PCDH10: variants seen among roughly 807,000 people sequenced by gnomAD.
PCDH10 encodes protocadherin-10.
In PCDH10, 15 loss-of-function variants were observed where a neutral mutation model predicts 74.4. The ratio of observed to expected loss-of-function variants is 0.20; its 90% CI spans 0.13 to 0.31. PCDH10 has a LOEUF of 0.31. PCDH10 is among the 10% of genes least tolerant of loss of function. PCDH10 has a pLI of 1.00. For missense variants in PCDH10, 1,260 were observed against 1,390.2 expected (o/e 0.91, Z 1.49); for synonymous variants, 619 against 589.8 (o/e 1.05, Z -0.72).
chr4:133,202,804 T>G (rs577868467), intron 2 of PCDH10, among the ~76,000 whole-genome samples: 23 of 152,312 alleles, frequency 1.5e-4, no homozygotes, highest in Non-Finnish European at 2.8e-4. Context: ...AGCTCCATCA[T>G]GTATAATGGT....
intron 1 of PCDH10, 66 bp from the exon 2 acceptor site, chr4:133,154,241 C>T: frequency 1.0e-6 from 1 of 997,052 alleles, no homozygotes. Flanking sequence ...TTCCTAACCT[C>T]AAAAGTAGAC....
chr4:133,201,689 T>A (rs1727912222), intron 2 of PCDH10, among the ~76,000 whole-genome samples: 1 of 151,842 alleles, frequency 6.6e-6, no homozygotes, highest in South Asian at 2.1e-4. Flanking sequence ...AAACCCCGTC[T>A]CTACTAAAAA....
At chr4:133,156,614 T>G (rs560087980) in intron 3 of PCDH10, among the ~76,000 whole-genome samples, 1 of 152,268 alleles carries the variant, frequency 6.6e-6, no homozygotes, top group Non-Finnish European at 1.5e-5. Context: ...AATTTAACTG[T>G]CAACCTTTTA....
intron 3 of PCDH10, among the ~76,000 whole-genome samples, chr4:133,157,158 A>G (rs892589503): frequency 1.3e-5 from 2 of 152,188 alleles, no homozygotes; most frequent in East Asian, 3.8e-4. Flanking sequence ...TGGGCACAAT[A>G]ATAGCTATTT....
chr4:133,172,757 G>A (rs1727226440), intron 4 of PCDH10, among the ~76,000 whole-genome samples: 2 of 151,844 alleles, frequency 1.3e-5, no homozygotes, highest in African/African-American at 4.8e-5. Context: ...GATAATATAG[G>A]GAAAACCATC....
At chr4:133,175,070 C>G (rs1271362630) in intron 4 of PCDH10, among the ~76,000 whole-genome samples, 1 of 151,012 alleles carries the variant, frequency 6.6e-6, no homozygotes, top group Non-Finnish European at 1.5e-5. Context: ...GCTTATATAT[C>G]CAATATAGAG....
At position 133,191,202 on chromosome 4, in the gene PCDH10, G is replaced by A. The variant is rs531765815; in HGVS notation, c.*1042G>A. The A allele has an allele frequency of 6.6e-6, 1 of 152,380 alleles. No individual in the cohort carries two copies. The highest frequency in any genetic ancestry group is 2.1e-4 in the South Asian group (1 of 4,826). 9.4% of individuals were successfully genotyped at this position (152,380 alleles called of 1,614,324 possible). A position where few individuals can be genotyped will look rare whatever the true frequency, so the allele number is the denominator to read the frequency against. On this transcript the variant is annotated 3_prime_UTR_variant, in exon 5 of 5. Coordinates refer to ENST00000264360, the MANE Select transcript of PCDH10 (RefSeq NM_032961.3). ...ACTGGGTGTCTGTACATTTTGTGGT[G>A]TAAAATATGTAATTGAAGATTACTA...
intron 4 of PCDH10, among the ~76,000 whole-genome samples, chr4:133,181,745 T>G (rs1727423156): frequency 6.6e-6 from 1 of 152,094 alleles, no homozygotes; most frequent in South Asian, 2.1e-4. Flanking sequence ...AAACTTCTGT[T>G]TGCCTTGACA....
chr4:133,161,388 A>G (rs1198145894), intron 3 of PCDH10, among the ~76,000 whole-genome samples: 2 of 152,094 alleles, frequency 1.3e-5, no homozygotes, highest in Admixed American at 1.3e-4. Context: ...AGAGTTAAGT[A>G]TTAGATAATC....
Position 133,149,306 on chromosome 4 carries a change from C to T in PCDH10, c.-835C>T. The T allele has an allele frequency of 6.6e-6, 1 of 152,548 alleles. No homozygotes were observed. The highest frequency in any genetic ancestry group is 1.5e-5 in the Non-Finnish European group (1 of 68,112). The allele number at this position is 152,548 out of a possible 1,614,324, so 9.4% of individuals were successfully genotyped here. Reference sequence around the variant, plus strand: ...GCGCTCGGAGCTCAGAAACTGCCAGCCCAGACCACAGGCTCAGAGGCTGAA... The same window carrying T: ...GCGCTCGGAGCTCAGAAACTGCCAGTCCAGACCACAGGCTCAGAGGCTGAA... On this transcript the variant is annotated 5_prime_UTR_variant, in exon 1 of 5. Coordinates refer to ENST00000264360, the MANE Select transcript of PCDH10 (RefSeq NM_032961.3).
Position 133,199,890 on chromosome 4 carries a change from C to G in PCDH10, n.438-8186C>G, listed in dbSNP as rs533924462. 3.3e-5 allele frequency among the ~76,000 whole-genome samples: 5 copies of G among 150,836 alleles called. No homozygotes were observed. The East Asian group carries it at 7.8e-4, about 24-fold the overall frequency. ...TCGGCTCACTGCAAGTTCCGCCTCCCGAGTTCACGCCATTCTGCTGCCTCA... is the reference window on the plus strand; with the variant it reads ...TCGGCTCACTGCAAGTTCCGCCTCCGGAGTTCACGCCATTCTGCTGCCTCA... On this transcript the variant is annotated intron_variant and non_coding_transcript_variant, in intron 2 of 2. Transcript: ENST00000511112.
rs1011911229 is a variant in PCDH10 at position 133,152,378 on chromosome 4, C to T, written c.2238C>T (p.Leu746=). The change falls in exon 1 of 5, where the codon CTC becomes CTT. Residue 746 remains leucine, a synonymous_variant. Transcript: ENST00000264360. ...TGCGTTGCCAAAAAGAGAAGAAGCT[C>T]AACATCTATACTTGTCTGGCCAGCG... ...LAVRCQKEKK[L]NIYTCLASDC... 6.2e-7 allele frequency: 1 copy of T among 1,614,220 alleles called. No individual in the cohort carries two copies. The highest frequency in any genetic ancestry group is 8.5e-7 in the Non-Finnish European group (1 of 1,180,042).
chr4:133,185,358 C>T (rs1727524241), intron 4 of PCDH10, among the ~76,000 whole-genome samples: 1 of 151,496 alleles, frequency 6.6e-6, no homozygotes, highest in Admixed American at 6.6e-5. Context: ...TAATAGTTAA[C>T]ACTACTGTGC....
At chr4:133,158,191 C>T (rs917941834) in intron 3 of PCDH10, among the ~76,000 whole-genome samples, 19 of 152,084 alleles carry the variant, frequency 1.2e-4, no homozygotes, top group African/African-American at 4.3e-4. Flanking sequence ...TTTATTATAT[C>T]ATTAAAGCAT....
chr4:133,197,469 C>G (rs532823331), downstream of PCDH10, among the ~76,000 whole-genome samples: 124 of 152,082 alleles, frequency 8.2e-4, 1 homozygote, highest in African/African-American at 3.0e-3. Flanking sequence ...TCTTTTGAAT[C>G]AATTAAAAGT....
intron 4 of PCDH10, among the ~76,000 whole-genome samples, chr4:133,175,176 T>G (rs1321088714): frequency 2.6e-5 from 4 of 152,110 alleles, no homozygotes. Flanking sequence ...TGTTCTTTTT[T>G]CTAATCTTTT....
chr4:133,168,834 G>A (rs960522818), intron 4 of PCDH10, among the ~76,000 whole-genome samples: 45 of 151,704 alleles, frequency 3.0e-4, no homozygotes, highest in African/African-American at 1.1e-3. Flanking sequence ...ACACTCAGTT[G>A]TTGATACCTC....
At chr4:133,165,371 A>G (rs902571118) in intron 4 of PCDH10, among the ~76,000 whole-genome samples, 1 of 151,410 alleles carries the variant, frequency 6.6e-6, no homozygotes, top group East Asian at 1.9e-4. Context: ...TTAAAATTAC[A>G]CCATGACTCT....
chr4:133,205,232 AG>A (rs1052253299), intron 2 of PCDH10, among the ~76,000 whole-genome samples: 1 of 152,172 alleles, frequency 6.6e-6, no homozygotes, highest in African/African-American at 2.4e-5. Context: ...TCAGACACTA[AG>A]GGTGAACAGT....
Sources: allele counts gnomAD v4.1 joint callset (sites outside exome capture counted in the v4.1 genomes callset), GRCh38; gene constraint gnomAD v4.1.1; transcripts MANE v1.5; gene names NCBI Gene and HGNC (gene_info 2026-07-23, HGNC 2026-07-21).